The following ZNF385D variants were observed in gnomAD, a reference collection of about 807,000 sequenced individuals.
ZNF385D encodes zinc finger protein 385D.
ZNF385D carries 15 observed loss-of-function variants against 35.8 expected under a neutral mutation model. That is an observed-to-expected ratio of 0.42 (90% CI 0.28 to 0.64). The LOEUF is 0.64. ZNF385D is among the 30% of genes least tolerant of loss of function. The probability of loss-of-function intolerance (pLI) is 0.23; values close to 1 mark genes in which losing one functional copy is unlikely to be tolerated. For synonymous variants in ZNF385D, 212 were observed against 186.8 expected (o/e 1.13, Z -1.10); for missense variants, 474 against 494.6 (o/e 0.96, Z 0.39).
intron 2 of ZNF385D, among the ~76,000 whole-genome samples, chr3:22,316,461 A>G (rs1443964919): frequency 1.3e-5 from 2 of 152,218 alleles, no homozygotes; most frequent in Non-Finnish European, 1.5e-5. Context: ...ATTAGGCAAT[A>G]AACAAATAAA....
At chr3:22,089,902 G>A (rs189445029) in intron 3 of ZNF385D, among the ~76,000 whole-genome samples, 1 of 152,094 alleles carries the variant, frequency 6.6e-6, no homozygotes, top group Non-Finnish European at 1.5e-5. Flanking sequence ...GCAGTGGCAT[G>A]ATCTTGGCTC....
chr3:21,806,859 A>G (rs2072675877), intron 3 of ZNF385D, among the ~76,000 whole-genome samples: 1 of 152,210 alleles, frequency 6.6e-6, no homozygotes, highest in Non-Finnish European at 1.5e-5. Flanking sequence ...TGTGAATCAA[A>G]AAAACAAAGC....
chr3:21,615,691 T>C (rs1346345632), intron 2 of ZNF385D, among the ~76,000 whole-genome samples: 1 of 152,160 alleles, frequency 6.6e-6, no homozygotes, highest in Non-Finnish European at 1.5e-5. Context: ...CATTTTCTAT[T>C]GAAAGCCTTA....
At chr3:21,912,132 C>A (rs560495937) in intron 3 of ZNF385D, among the ~76,000 whole-genome samples, 5 of 152,000 alleles carry the variant, frequency 3.3e-5, no homozygotes, top group African/African-American at 9.6e-5. Flanking sequence ...GCCATCCACA[C>A]CAATACAAAG....
intron 4 of ZNF385D, among the ~76,000 whole-genome samples, chr3:21,476,156 T>G (rs1433264467): frequency 1.3e-5 from 2 of 152,172 alleles, no homozygotes; most frequent in Non-Finnish European, 2.9e-5. Context: ...CTGCAAGCTA[T>G]GATAATGCAT....
intron 3 of ZNF385D, among the ~76,000 whole-genome samples, chr3:22,164,155 C>T (rs1345872483): frequency 1.3e-5 from 2 of 150,680 alleles, no homozygotes; most frequent in Non-Finnish European, 2.9e-5. Context: ...TATAACTAGG[C>T]CCACCTATAG....
At chr3:22,085,610 G>A (rs1167657672) in intron 3 of ZNF385D, among the ~76,000 whole-genome samples, 4 of 152,104 alleles carry the variant, frequency 2.6e-5, no homozygotes, top group Admixed American at 2.6e-4. Flanking sequence ...AAAAAGTCCA[G>A]GACCAGACGG....
chr3:21,523,441 T>C (rs920930530), intron 3 of ZNF385D, among the ~76,000 whole-genome samples: 4 of 152,206 alleles, frequency 2.6e-5, no homozygotes, highest in South Asian at 2.1e-4. Context: ...GGAATTATTA[T>C]TGATTTCTGT....
At chr3:21,760,371 C>T (rs1018071948) in intron 3 of ZNF385D, among the ~76,000 whole-genome samples, 1 of 152,148 alleles carries the variant, frequency 6.6e-6, no homozygotes, top group Admixed American at 6.5e-5. Context: ...AGTTTTGCTG[C>T]TATATGATCA....
At chr3:22,291,681 G>C (rs977525389) in intron 2 of ZNF385D, among the ~76,000 whole-genome samples, 6 of 151,878 alleles carry the variant, frequency 4.0e-5, no homozygotes, top group African/African-American at 1.4e-4. Context: ...TAAATATTGT[G>C]GGGTTTATGA....
At chr3:22,103,272 C>A (rs993386762) in intron 3 of ZNF385D, among the ~76,000 whole-genome samples, 1 of 150,806 alleles carries the variant, frequency 6.6e-6, no homozygotes. Flanking sequence ...TTCTTGAGGG[C>A]AAGGGCCATA....
intron 3 of ZNF385D, among the ~76,000 whole-genome samples, chr3:21,803,670 T>A (rs1420818029): frequency 6.6e-6 from 1 of 152,202 alleles, no homozygotes; most frequent in Non-Finnish European, 1.5e-5. Flanking sequence ...GAAATGTAAC[T>A]TCTCAAGACA....
intron 3 of ZNF385D, among the ~76,000 whole-genome samples, chr3:21,973,133 A>G (rs1703371880): frequency 6.6e-6 from 1 of 151,992 alleles, no homozygotes; most frequent in Non-Finnish European, 1.5e-5. Flanking sequence ...TAACAGGTCA[A>G]TATCCCCGAT....
intron 3 of ZNF385D, among the ~76,000 whole-genome samples, chr3:22,047,288 C>G (rs925828171): frequency 6.6e-6 from 1 of 151,962 alleles, no homozygotes; most frequent in Non-Finnish European, 1.5e-5. Context: ...ACAATCTACT[C>G]TCAGCAATTT....
chr3:21,545,850 G>T (rs1416670932), intron 3 of ZNF385D, among the ~76,000 whole-genome samples: 2 of 152,062 alleles, frequency 1.3e-5, no homozygotes, highest in Non-Finnish European at 2.9e-5. Flanking sequence ...GTTTATCTTG[G>T]GACCTCAAGA....
At chr3:21,976,082 G>C (rs1027121759) in intron 3 of ZNF385D, among the ~76,000 whole-genome samples, 3 of 152,076 alleles carry the variant, frequency 2.0e-5, no homozygotes, top group South Asian at 2.1e-4. Context: ...CATGTATATG[G>C]GGAAAACTAG....
intron 3 of ZNF385D, among the ~76,000 whole-genome samples, chr3:21,781,962 A>G (rs1477410578): frequency 6.6e-6 from 1 of 152,096 alleles, no homozygotes; most frequent in Non-Finnish European, 1.5e-5. Flanking sequence ...GCTGATAAAA[A>G]TGGCCTCTAT....
intron 2 of ZNF385D, among the ~76,000 whole-genome samples, chr3:22,371,010 T>C (rs1449045340): frequency 6.6e-6 from 1 of 152,204 alleles, no homozygotes; most frequent in Non-Finnish European, 1.5e-5. Flanking sequence ...GTCTACATTT[T>C]AGCTCCATGA....
chr3:22,285,426 T>C (rs1227038908), intron 2 of ZNF385D, among the ~76,000 whole-genome samples: 1 of 152,160 alleles, frequency 6.6e-6, no homozygotes, highest in Non-Finnish European at 1.5e-5. Context: ...TTTGAAAGTT[T>C]TGGGTTTGTG....
Sources: allele counts gnomAD v4.1 joint callset (sites outside exome capture counted in the v4.1 genomes callset), GRCh38; gene constraint gnomAD v4.1.1; transcripts MANE v1.5; gene names NCBI Gene and HGNC (gene_info 2026-07-23, HGNC 2026-07-21).